The following STOX2 variants were observed in gnomAD, a reference collection of about 807,000 sequenced individuals.
STOX2 encodes the protein storkhead box 2, also known as storkhead-box protein 2.
STOX2 carries 28 observed loss-of-function variants against 60.9 expected under a neutral mutation model. The observed-to-expected ratio is 0.46, with a 90% CI of 0.34 to 0.63. The LOEUF (loss-of-function observed/expected upper bound fraction) is 0.63, where lower values mean the gene tolerates loss of function less well. STOX2 is among the 30% of genes least tolerant of loss of function. The pLI is 0.01. For synonymous variants in STOX2, 472 were observed against 463.9 expected, an observed-to-expected ratio of 1.02 and a Z score of -0.22; for missense variants, 1,024 against 1,187.7, an observed-to-expected ratio of 0.86 and a Z score of 2.03.
At position 184,017,464 on chromosome 4, in the gene STOX2, T is replaced by A; in HGVS notation, c.*180T>A. On this transcript the variant is annotated 3_prime_UTR_variant, in exon 4 of 4. Transcript: ENST00000308497. Reference sequence around the variant, plus strand: ...AAAAATCTTTATTTCAGAGTATTGCTTTTCACATTTATGGCTCTGTAGCAA... The same window carrying A: ...AAAAATCTTTATTTCAGAGTATTGCATTTCACATTTATGGCTCTGTAGCAA... 1.8e-6 allele frequency: 1 copy of A among 569,268 alleles called. No individual in the cohort carries two copies. The highest frequency in any genetic ancestry group is 3.0e-6 in the Non-Finnish European group (1 of 328,494). The allele number at this position is 569,268 out of a possible 1,614,324, so 35.3% of individuals were successfully genotyped here. A position where few individuals can be genotyped will look rare whatever the true frequency, so the allele number is the denominator to read the frequency against.
chr4:183,872,913 T>A (rs1371627974), intron 1 of STOX2, among the ~76,000 whole-genome samples: 3 of 152,210 alleles, frequency 2.0e-5, no homozygotes, highest in Non-Finnish European at 4.4e-5. Flanking sequence ...AGTGAAAGTT[T>A]GAAAAACCAT....
intron 1 of STOX2, among the ~76,000 whole-genome samples, chr4:183,830,060 T>C (rs760790608): frequency 1.3e-5 from 2 of 152,196 alleles, no homozygotes; most frequent in African/African-American, 2.4e-5. Context: ...GTTATGCTGA[T>C]TGTGACTATT....
intron 1 of STOX2, among the ~76,000 whole-genome samples, chr4:183,804,525 G>T (rs550356908): frequency 1.4e-4 from 21 of 152,342 alleles, no homozygotes; most frequent in African/African-American, 4.1e-4. Flanking sequence ...GGGCCGTGTG[G>T]GATGGTATTC....
In STOX2 at chr4:184,011,589, A is replaced by T; in HGVS notation, c.2585+166A>T. 6.5e-7 allele frequency: 1 copy of T among 1,533,764 alleles called. No homozygotes were observed. Among genetic ancestry groups the T allele is most frequent in the South Asian group, 1.2e-5 (1 of 83,082 alleles). On this transcript the variant is annotated intron_variant, in intron 3 of 3. Transcript: ENST00000308497. The surrounding 1 kb of genome is among the most constrained non-coding windows in gnomAD (Gnocchi z 4.4). ...TCTGTTTCTGACTTCTTTTTCAGGA[A>T]TTGAAAAAAATGTTTCTGCACCTGT...
intron 2 of STOX2, among the ~76,000 whole-genome samples, chr4:184,004,914 ACC>A (rs1311647452): frequency 5.3e-5 from 8 of 152,214 alleles, no homozygotes; most frequent in Non-Finnish European, 1.2e-4. Context: ...ATAGAGCTAG[ACC>A]CTATAAGTCC....
At chr4:183,970,527 G>T (rs1238300991) in intron 1 of STOX2, among the ~76,000 whole-genome samples, 1 of 152,140 alleles carries the variant, frequency 6.6e-6, no homozygotes, top group Admixed American at 6.5e-5. Flanking sequence ...CCCCCGACCG[G>T]ACCCTTGCCT....
At chr4:183,870,668 T>TTA (rs1307922307) in intron 1 of STOX2, among the ~76,000 whole-genome samples, 1 of 152,202 alleles carries the variant, frequency 6.6e-6, no homozygotes, top group African/African-American at 2.4e-5. Flanking sequence ...ATCTTCAAAT[T>TTA]TAAAACATGT....
chr4:183,977,233 T>G (rs375245730), intron 1 of STOX2, among the ~76,000 whole-genome samples: 2 of 152,084 alleles, frequency 1.3e-5, no homozygotes, highest in East Asian at 3.9e-4. Context: ...TCTGAAAGAC[T>G]CCTTTCAGAG....
At chr4:183,967,938 C>G (rs903973347) in intron 1 of STOX2, among the ~76,000 whole-genome samples, 1 of 152,170 alleles carries the variant, frequency 6.6e-6, no homozygotes, top group African/African-American at 2.4e-5. Context: ...TGAGGGGATC[C>G]AGCTGAACAC....
Position 184,017,214 on chromosome 4 carries a change from C to T in STOX2, c.2711C>T (p.Pro904Leu), listed in dbSNP as rs1489811328. The T allele has an allele frequency of 1.2e-6, 2 of 1,611,002 alleles. No homozygotes were observed. The highest frequency in any genetic ancestry group is 8.5e-7 in the Non-Finnish European group (1 of 1,178,644). The change falls in exon 4 of 4, where the codon CCC becomes CTC. Residue 904 changes from proline to leucine, a missense_variant. Pro to Leu is a moderately conservative substitution (Grantham distance 98). Transcript: ENST00000308497. ...PAFNFRASAEPPTNEAEKLQK... is the reference protein window; with the variant it reads ...PAFNFRASAELPTNEAEKLQK... ...TTCAACTTCCGAGCGAGCGCGGAGC[C>T]CCCGACAAATGAAGCTGAGAAGCTA...
At chr4:183,850,672 T>G (rs1009584887) in intron 1 of STOX2, among the ~76,000 whole-genome samples, 5 of 151,650 alleles carry the variant, frequency 3.3e-5, no homozygotes, top group African/African-American at 1.2e-4. Flanking sequence ...GAGGCTGCAG[T>G]AAGCCGAGAT....
chr4:183,930,638 G>A (rs113828737), intron 1 of STOX2, among the ~76,000 whole-genome samples: 8,816 of 152,122 alleles, frequency 0.058, 862 homozygotes, highest in African/African-American at 0.2. Context: ...GATTACAGGC[G>A]TGAGCCATTG....
chr4:183,929,161 A>C (rs1452771528), intron 1 of STOX2, among the ~76,000 whole-genome samples: 1 of 152,242 alleles, frequency 6.6e-6, no homozygotes, highest in Non-Finnish European at 1.5e-5. Context: ...GATCAAAAAC[A>C]TGGAGATTTG....
intron 1 of STOX2, among the ~76,000 whole-genome samples, chr4:183,823,257 G>A (rs1478295196): frequency 6.6e-6 from 1 of 152,154 alleles, no homozygotes; most frequent in African/African-American, 2.4e-5. Context: ...TCAGCTGGGT[G>A]TGGTGGTGGA....
In STOX2 at chr4:183,905,870, C is replaced by A. The variant is rs2111079197; in HGVS notation, c.-921C>A. 6.6e-6 allele frequency: 1 copy of A among 152,354 alleles called. No individual in the cohort carries two copies. The highest frequency in any genetic ancestry group is 6.5e-5 in the Admixed American group (1 of 15,306). 9.4% of individuals were successfully genotyped at this position (152,354 alleles called of 1,614,324 possible). ...TCGATCGCAGGCTCGGCGTCCTTGG[C>A]AGCCATGGCTCCGGCGCCGCCTCGG... On this transcript the variant is annotated 5_prime_UTR_variant, in exon 1 of 4. Coordinates refer to ENST00000308497, the MANE Select transcript of STOX2 (RefSeq NM_020225.3).
intron 1 of STOX2, among the ~76,000 whole-genome samples, chr4:183,885,786 T>C (rs544300882): frequency 2.0e-5 from 3 of 152,362 alleles, no homozygotes; most frequent in East Asian, 3.9e-4. Flanking sequence ...TTGATGATAA[T>C]TGACCAATAG....
In STOX2 at chr4:183,838,572, C is replaced by T. The variant is rs534274108; in HGVS notation, c.364+40517C>T. 2.5e-3 allele frequency among the ~76,000 whole-genome samples: 375 copies of T among 152,278 alleles called. 2 individuals carry two copies. Among genetic ancestry groups the T allele is most frequent in the Non-Finnish European group, 4.2e-3 (289 of 68,008 alleles). On this transcript the variant is annotated intron_variant, in intron 1 of 2. Transcript: ENST00000513034. ...TACTACATCAAAGATATGAGCAAAT[C>T]AAGTTGCTTATCACAAATGGCCGAT...
At chr4:183,972,232 C>T (rs572897572) in intron 1 of STOX2, among the ~76,000 whole-genome samples, 129 of 152,282 alleles carry the variant, frequency 8.5e-4, no homozygotes, top group Non-Finnish European at 1.5e-3. Flanking sequence ...GGCGAATTCC[C>T]ATTGCTTTTC....
At chr4:183,857,507 T>G (rs1740329619) in intron 1 of STOX2, among the ~76,000 whole-genome samples, 1 of 104,730 alleles carries the variant, frequency 9.5e-6, no homozygotes, top group Non-Finnish European at 2.1e-5. Flanking sequence ...TACTGACATG[T>G]GCAGGTCATC....
Sources: allele counts gnomAD v4.1 joint callset (sites outside exome capture counted in the v4.1 genomes callset), GRCh38; gene constraint gnomAD v4.1.1; non-coding constraint Gnocchi (gnomAD v3.1); transcripts MANE v1.5; gene names NCBI Gene and HGNC (gene_info 2026-07-23, HGNC 2026-07-21).